The following DDAH1 variants were observed in gnomAD, a reference collection of about 807,000 sequenced individuals.
The protein encoded by DDAH1 is dimethylarginine dimethylaminohydrolase 1.
A neutral mutation model predicts 28.8 loss-of-function variants in DDAH1; 19 were observed. The ratio of observed to expected loss-of-function variants is 0.66; its 90% CI spans 0.46 to 0.97. The LOEUF (loss-of-function observed/expected upper bound fraction) is 0.97. Ranked by LOEUF, DDAH1 falls within the 50% of genes least tolerant of loss-of-function variation. DDAH1 has a pLI of 0.00. For missense variants in DDAH1, 326 were observed against 375.9 expected (o/e 0.87, Z 1.10); for synonymous variants, 153 against 154.4 (o/e 0.99, Z 0.07).
intron 1 of DDAH1, among the ~76,000 whole-genome samples, chr1:85,553,469 G>A (rs1658860787): frequency 6.6e-6 from 1 of 152,214 alleles, no homozygotes; most frequent in Non-Finnish European, 1.5e-5. Flanking sequence ...GTAGTTGCTT[G>A]GTGAGAAACA....
intron 1 of DDAH1, among the ~76,000 whole-genome samples, chr1:85,425,039 C>A (rs2100621478): frequency 6.6e-6 from 1 of 152,084 alleles, no homozygotes; most frequent in Admixed American, 6.5e-5. Flanking sequence ...AAGAAGCCTT[C>A]AATGTTTCAA....
intron 1 of DDAH1, among the ~76,000 whole-genome samples, chr1:85,406,576 TTTAA>T (rs532854041): frequency 2.2e-4 from 33 of 152,292 alleles, no homozygotes; most frequent in African/African-American, 6.7e-4. Flanking sequence ...AAATTAATTT[TTTAA>T]TTAACAAAAA....
intron 1 of DDAH1, among the ~76,000 whole-genome samples, chr1:85,393,769 T>C (rs1570477873): frequency 1.3e-5 from 2 of 152,192 alleles, no homozygotes; most frequent in African/African-American, 4.8e-5. Context: ...TGCTTTGAGA[T>C]GTAAATTTTC....
At chr1:85,407,636 TCCTATTC>T (rs1206405633) in intron 1 of DDAH1, among the ~76,000 whole-genome samples, 14 of 152,236 alleles carry the variant, frequency 9.2e-5, no homozygotes, top group Non-Finnish European at 1.6e-4. Flanking sequence ...AATAATGGTT[TCCTATTC>T]AATTTAAATC....
intron 4 of DDAH1, among the ~76,000 whole-genome samples, chr1:85,342,367 T>C (rs1304713389): frequency 1.5e-4 from 22 of 151,352 alleles, no homozygotes; most frequent in Non-Finnish European, 1.2e-4. Context: ...GATCAGGTCC[T>C]GTTGTTAGGT....
intron 1 of DDAH1, among the ~76,000 whole-genome samples, chr1:85,548,435 T>C (rs1036541793): frequency 6.6e-6 from 1 of 152,188 alleles, no homozygotes; most frequent in Admixed American, 6.5e-5. Flanking sequence ...GGTCACTTTT[T>C]AATTAACCAG....
chr1:85,426,912 T>TAAAAA, intron 1 of DDAH1, among the ~76,000 whole-genome samples: 1 of 20,392 alleles, frequency 4.9e-5, no homozygotes, highest in African/African-American at 1.5e-4. Flanking sequence ...CTCTGATTCT[T>TAAAAA]AAAAAAAACA....
At chr1:85,550,670 G>A (rs1283132451) in intron 1 of DDAH1, among the ~76,000 whole-genome samples, 1 of 152,120 alleles carries the variant, frequency 6.6e-6, no homozygotes, top group African/African-American at 2.4e-5. Context: ...ATTTTAGTCA[G>A]GAAGATGCAA....
intron 1 of DDAH1, among the ~76,000 whole-genome samples, chr1:85,380,187 A>G (rs1224294813): frequency 6.6e-6 from 1 of 152,198 alleles, no homozygotes; most frequent in African/African-American, 2.4e-5. Context: ...AGGCCGTATG[A>G]CATTAAGTAA....
chr1:85,568,753 A>T (rs976965930), intron 1 of DDAH1, among the ~76,000 whole-genome samples: 3 of 152,160 alleles, frequency 2.0e-5, no homozygotes, highest in Non-Finnish European at 2.9e-5. Context: ...AATTATATCC[A>T]AGCAGAGAAA....
At chr1:85,458,424 CTTTTTTTTTT>C (rs3058826) in intron 1 of DDAH1, among the ~76,000 whole-genome samples, 2 of 101,774 alleles carry the variant, frequency 2.0e-5, no homozygotes, top group African/African-American at 3.9e-5. Context: ...TACACACACA[CTTTTTTTTTT>C]TTTTTTTTTT....
chr1:85,574,897 A>C (rs200111684), intron 1 of DDAH1, among the ~76,000 whole-genome samples: 46,739 of 150,520 alleles, frequency 0.31, 8,022 homozygotes, highest in South Asian at 0.51. Flanking sequence ...CTCTCTATAT[A>C]TATATATATG....
At chr1:85,433,702 A>G (rs1166215887) in intron 1 of DDAH1, among the ~76,000 whole-genome samples, 1 of 152,234 alleles carries the variant, frequency 6.6e-6, no homozygotes, top group Non-Finnish European at 1.5e-5. Context: ...ATGTTCTTTC[A>G]TAAAAACAAT....
At chr1:85,468,410 T>C (rs1384609914), upstream of DDAH1, among the ~76,000 whole-genome samples, 1 of 152,178 alleles carries the variant, frequency 6.6e-6, no homozygotes, top group East Asian at 1.9e-4. Context: ...TTTAATGGAC[T>C]TACGATTCCA....
intron 1 of DDAH1, among the ~76,000 whole-genome samples, chr1:85,568,666 G>A (rs1233558138): frequency 5.3e-5 from 8 of 152,184 alleles, no homozygotes; most frequent in African/African-American, 1.4e-4. Flanking sequence ...AATTCCTTAT[G>A]AATGAGAGTT....
rs375471936 is a variant in DDAH1 at position 85,343,446 on chromosome 1, T to G, written c.597+6969A>C. Among the ~76,000 whole-genome samples the G allele has an allele frequency of 3.3e-5, 5 of 152,224 alleles. No homozygotes were observed. The East Asian group carries it at 5.8e-4, about 18-fold the overall frequency. On this transcript the variant is annotated intron_variant, in intron 4 of 5. Transcript: ENST00000284031. ...ACAGTTGTTACAAATTCAGAAGCTA[T>G]TTGGTTTTGTGTTTTAATTTCTTAA...
chr1:85,338,687 T>C (rs1648280836), intron 4 of DDAH1, among the ~76,000 whole-genome samples: 1 of 152,162 alleles, frequency 6.6e-6, no homozygotes, highest in African/African-American at 2.4e-5. Flanking sequence ...TTTAAGTGTG[T>C]ACTGTGTGTG....
chr1:85,433,774 C>T (rs1653811859), intron 1 of DDAH1, among the ~76,000 whole-genome samples: 1 of 152,010 alleles, frequency 6.6e-6, no homozygotes, highest in Non-Finnish European at 1.5e-5. Context: ...GTAGCCTAAG[C>T]TATGTTAACT....
intron 1 of DDAH1, among the ~76,000 whole-genome samples, chr1:85,420,161 C>A (rs1653077374): frequency 6.6e-6 from 1 of 152,026 alleles, no homozygotes; most frequent in African/African-American, 2.4e-5. Flanking sequence ...TCCCAGGAAA[C>A]CTAGGAGGGA....
Sources: gnomAD v4.1 joint callset for allele counts (sites outside exome capture counted in the v4.1 genomes callset) on GRCh38, gnomAD v4.1.1 for gene constraint, MANE v1.5 for transcripts, NCBI Gene and HGNC (gene_info 2026-07-23, HGNC 2026-07-21) for gene names.